Variants in RUFY3 observed in about 807,000 individuals in gnomAD.
RUFY3 encodes protein RUFY3.
In RUFY3, 34 loss-of-function variants were observed where a neutral mutation model predicts 84.0. The ratio of observed to expected loss-of-function variants is 0.40; its 90% CI spans 0.31 to 0.54. RUFY3 has a LOEUF of 0.54. Ranked by LOEUF, RUFY3 falls within the 20% of genes least tolerant of loss-of-function variation. The pLI is 0.39. For missense variants in RUFY3, 507 were observed against 736.8 expected, an observed-to-expected ratio of 0.69 and a Z score of 3.61; for synonymous variants, 242 against 252.9, an observed-to-expected ratio of 0.96 and a Z score of 0.41.
At position 70,723,269 on chromosome 4, in the gene RUFY3, T is replaced by C. The variant is rs180688965; in HGVS notation, c.178+518T>C. Among the ~76,000 whole-genome samples the C allele has an allele frequency of 3.6e-4, 55 of 152,318 alleles. 1 individual carries two copies. The East Asian group carries it at 6.6e-3, about 18-fold the overall frequency. ...AGGAAATGTTTGATAAAACATTTTT[T>C]TAACAATATGGATTATTAGGTTAGA... On this transcript the variant is annotated intron_variant, in intron 1 of 17. Coordinates refer to ENST00000381006, the MANE Select transcript of RUFY3 (RefSeq NM_001037442.4).
At chr4:70,799,808 C>A in intron 14 of RUFY3, 1 of 236,452 alleles carries the variant, frequency 4.2e-6, no homozygotes, top group Non-Finnish European at 7.9e-6. Flanking sequence ...AGAGCTCAGT[C>A]TGGGGAAAAG....
At chr4:70,789,425 C>A in intron 11 of RUFY3, 70 bp from the exon 12 acceptor site, 1 of 1,355,812 alleles carries the variant, frequency 7.4e-7, no homozygotes, top group Non-Finnish European at 1.0e-6. Context: ...CCATTAGATT[C>A]AAAAGGCATG....
intron 4 of RUFY3, 21 bp downstream of exon 4, chr4:70,764,597 T>C: frequency 7.1e-7 from 1 of 1,400,990 alleles, no homozygotes; most frequent in Non-Finnish European, 1.0e-6. Flanking sequence ...CTTCTTGAAC[T>C]TTCTTCTTTC....
rs1249432008 is a variant in RUFY3, at chr4:70,740,309, C to T, written c.178+17558C>T. Among the ~76,000 whole-genome samples the T allele has an allele frequency of 3.9e-5, 6 of 152,140 alleles. No individual in the cohort carries two copies. In the East Asian group the frequency reaches 1.2e-3, roughly 29 times the overall value. Reference sequence around the variant, plus strand: ...ACTCTGATACTTAAAACTTTAATCTCTGTTTTAAGAAGAAAACAGAAAATA... The same window carrying T: ...ACTCTGATACTTAAAACTTTAATCTTTGTTTTAAGAAGAAAACAGAAAATA... On this transcript the variant is annotated intron_variant, in intron 1 of 17. Coordinates refer to ENST00000381006, the MANE Select transcript of RUFY3 (RefSeq NM_001037442.4).
chr4:70,756,202 A>G (rs771390490), intron 1 of RUFY3, among the ~76,000 whole-genome samples: 1 of 152,072 alleles, frequency 6.6e-6, no homozygotes, highest in Non-Finnish European at 1.5e-5. Flanking sequence ...ATGTCTCTCC[A>G]TGCTGACTCC....
chr4:70,805,572 T>C (rs2148824988), intron 17 of RUFY3, among the ~76,000 whole-genome samples: 2 of 152,246 alleles, frequency 1.3e-5, no homozygotes, highest in East Asian at 3.8e-4. Flanking sequence ...TAAATTATAA[T>C]ATGACCTAGT....
chr4:70,757,232 G>A (rs944454741), intron 1 of RUFY3, among the ~76,000 whole-genome samples: 9 of 152,170 alleles, frequency 5.9e-5, no homozygotes, highest in South Asian at 2.1e-4. Context: ...AGTTGTGATC[G>A]TGCCACTGCA....
intron 8 of RUFY3, among the ~76,000 whole-genome samples, chr4:70,779,268 C>CT (rs1462450434): frequency 6.6e-6 from 1 of 152,136 alleles, no homozygotes; most frequent in Non-Finnish European, 1.5e-5. Context: ...TCATGTGCTC[C>CT]TGAGTAAGTC....
chr4:70,765,053 CG>C (rs1199718031), intron 4 of RUFY3, among the ~76,000 whole-genome samples: 1 of 151,502 alleles, frequency 6.6e-6, no homozygotes, highest in Non-Finnish European at 1.5e-5. Context: ...CCGGGCGTGG[CG>C]GTGGACACCT....
At chr4:70,739,790 C>A (rs577421416) in intron 1 of RUFY3, among the ~76,000 whole-genome samples, 1 of 150,684 alleles carries the variant, frequency 6.6e-6, no homozygotes, top group South Asian at 2.1e-4. Flanking sequence ...GGGCCAGGCT[C>A]ACCTTCTACC....
chr4:70,769,606 C>G (rs1418361115), intron 5 of RUFY3, among the ~76,000 whole-genome samples: 1 of 152,158 alleles, frequency 6.6e-6, no homozygotes, highest in African/African-American at 2.4e-5. Flanking sequence ...ATGAAGTTTA[C>G]CACATTAATT....
chr4:70,704,171 G>A (rs1289944043), upstream of RUFY3: 3 of 152,164 alleles, frequency 2.0e-5, no homozygotes, highest in Admixed American at 1.3e-4. Flanking sequence ...GCGCACCCGC[G>A]GCACTAGAAA....
At position 70,794,030 on chromosome 4, in the gene RUFY3, T is replaced by C. The variant is rs536194151; in HGVS notation, c.1457+126T>C. 143 of 1,037,830 alleles carry C rather than the reference T, an allele frequency of 1.4e-4. No individual in the cohort carries two copies. In the East Asian group the frequency reaches 3.6e-3, roughly 26 times the overall value. The allele number at this position is 1,037,830 out of a possible 1,614,324, so 64.3% of individuals were successfully genotyped here. On this transcript the variant is annotated intron_variant, in intron 13 of 17. Coordinates refer to ENST00000381006, the MANE Select transcript of RUFY3 (RefSeq NM_001037442.4). ...TCTTTGCAATGTCCTTTCTCTGGAA[T>C]TGGAATTCAGAAAGCTTCACGTACT...
intron 3 of RUFY3, 138 bp downstream of exon 3, chr4:70,763,807 T>C (rs1282403484): frequency 9.6e-7 from 1 of 1,041,012 alleles, no homozygotes; most frequent in Non-Finnish European, 1.4e-6. Context: ...GAATAGGTGC[T>C]GACAGGAGAG....
At chr4:70,724,381 T>C (rs970827609) in intron 1 of RUFY3, among the ~76,000 whole-genome samples, 1 of 152,194 alleles carries the variant, frequency 6.6e-6, no homozygotes, top group African/African-American at 2.4e-5. Context: ...TTTACCAGTG[T>C]CTCAAAAATA....
At chr4:70,788,345 C>T (rs533317825) in intron 10 of RUFY3, among the ~76,000 whole-genome samples, 7 of 151,792 alleles carry the variant, frequency 4.6e-5, no homozygotes, top group East Asian at 1.9e-4. Flanking sequence ...TCAGTAATTG[C>T]GATGTTACCC....
rs2553321 is a variant in RUFY3, at chr4:70,806,152, A to G, written c.1720-364A>G. Among the ~76,000 whole-genome samples the G allele has an allele frequency of 2.4e-3, 368 of 152,284 alleles. 1 individual carries two copies. The highest frequency in any genetic ancestry group is 8.0e-3 in the African/African-American group (333 of 41,552). ...AAATCTTAGCCTGTTCACTCAATCC[A>G]TTGCTCTTTCACTGCCTTATTTGGA... On this transcript the variant is annotated intron_variant, in intron 17 of 17. Coordinates refer to ENST00000381006, the MANE Select transcript of RUFY3 (RefSeq NM_001037442.4).
chr4:70,720,546 A>ATT (rs59515506), upstream of RUFY3, among the ~76,000 whole-genome samples: 1 of 152,068 alleles, frequency 6.6e-6, no homozygotes, highest in Non-Finnish European at 1.5e-5. Flanking sequence ...GATTATTAGC[A>ATT]TTTTTTTCTT....
chr4:70,723,605 G>A (rs796612353), intron 1 of RUFY3, among the ~76,000 whole-genome samples: 6 of 152,094 alleles, frequency 3.9e-5, no homozygotes, highest in African/African-American at 2.4e-5. Context: ...CAGAAAGAGA[G>A]CTGATTTGAA....
Sources: allele counts gnomAD v4.1 joint callset (sites outside exome capture counted in the v4.1 genomes callset), GRCh38; gene constraint gnomAD v4.1.1; transcripts MANE v1.5; gene names NCBI Gene and HGNC (gene_info 2026-07-23, HGNC 2026-07-21).